Variants in RBFOX1 observed in about 807,000 individuals in gnomAD.
The protein encoded by RBFOX1 is RNA binding protein fox-1 homolog 1.
A neutral mutation model predicts 57.7 loss-of-function variants in RBFOX1; 8 were observed. The ratio of observed to expected loss-of-function variants is 0.14; its 90% confidence interval spans 0.08 to 0.25. The LOEUF is 0.25. Among genes scored for constraint, RBFOX1 ranks in the 10% least tolerant of loss-of-function variants. The probability of loss-of-function intolerance (pLI) is 1.00; values close to 1 mark genes in which losing one functional copy is unlikely to be tolerated. For missense variants in RBFOX1, 611 were observed against 548.5 expected (o/e 1.11, Z -1.14); for synonymous variants, 326 against 222.4 (o/e 1.47, Z -4.15).
chr16:5,435,495 GATCTCCCTCT>G (rs1211890973), intron 1 of RBFOX1, among the ~76,000 whole-genome samples: 1 of 152,148 alleles, frequency 6.6e-6, no homozygotes, highest in Admixed American at 6.5e-5. Context: ...ACGATCCCTG[GATCTCCCTCT>G]GTAAGATGGG....
At chr16:7,387,842 G>C (rs1409819853) in intron 4 of RBFOX1, among the ~76,000 whole-genome samples, 1 of 151,966 alleles carries the variant, frequency 6.6e-6, no homozygotes, top group East Asian at 1.9e-4. Flanking sequence ...AACGTCTCTG[G>C]AATTCTTTGA....
At chr16:7,174,392 A>C (rs183315962) in intron 4 of RBFOX1, among the ~76,000 whole-genome samples, 2 of 152,228 alleles carry the variant, frequency 1.3e-5, no homozygotes, top group East Asian at 3.9e-4. Context: ...CTTGTTTCCA[A>C]GTTCTTGGGT....
At chr16:6,303,169 G>A (rs562088123) in intron 1 of RBFOX1, among the ~76,000 whole-genome samples, 1 of 152,182 alleles carries the variant, frequency 6.6e-6, no homozygotes, top group African/African-American at 2.4e-5. Context: ...TTCTCAGGTT[G>A]AAATGAATTC....
intron 3 of RBFOX1, among the ~76,000 whole-genome samples, chr16:6,775,383 C>G (rs2079153000): frequency 1.3e-5 from 2 of 149,354 alleles, no homozygotes; most frequent in African/African-American, 4.9e-5. Flanking sequence ...CAGACACACC[C>G]AACTGTTAAG....
At chr16:7,419,840 C>T (rs2098522654) in intron 4 of RBFOX1, among the ~76,000 whole-genome samples, 1 of 151,362 alleles carries the variant, frequency 6.6e-6, no homozygotes, top group African/African-American at 2.4e-5. Context: ...GAGGCATGTC[C>T]TTTTTTTTCT....
chr16:6,457,878 T>G (rs1053759186), intron 2 of RBFOX1, among the ~76,000 whole-genome samples: 1 of 152,172 alleles, frequency 6.6e-6, no homozygotes, highest in Non-Finnish European at 1.5e-5. Context: ...TCCCCTGCAA[T>G]TCAGTTTACA....
At chr16:6,292,307 C>T (rs1294823090) in intron 1 of RBFOX1, among the ~76,000 whole-genome samples, 1 of 150,190 alleles carries the variant, frequency 6.7e-6, no homozygotes, top group East Asian at 1.9e-4. Context: ...TAAAGTCCCA[C>T]ATCCAACTGT....
chr16:6,562,880 C>CT lies in RBFOX1; in HGVS notation c.-63-91705dup, dbSNP rs71145250. ...TCTTTCTTTCTTTCTTTCTTTCTTTCTTTTTTTTTTTTTTTTTTGCATAGT... is the reference window on the plus strand; with the variant it reads ...TCTTTCTTTCTTTCTTTCTTTCTTTCTTTTTTTTTTTTTTTTTTTGCATAGT... On this transcript the variant is annotated intron_variant, in intron 2 of 15. Transcript: ENST00000550418. 1.1e-3 allele frequency among the ~76,000 whole-genome samples: 56 copies of CT among 51,786 alleles called. 3 individuals carry two copies. Among genetic ancestry groups the CT allele is most frequent in the South Asian group, 2.7e-3 (2 of 752 alleles). The allele number at this position is 51,786 out of a possible 152,430, so 34.0% of individuals were successfully genotyped here. A position where few individuals can be genotyped will look rare whatever the true frequency, so the allele number is the denominator to read the frequency against.
At chr16:5,426,945 C>T (rs945601319) in intron 1 of RBFOX1, among the ~76,000 whole-genome samples, 2 of 152,188 alleles carry the variant, frequency 1.3e-5, no homozygotes, top group African/African-American at 4.8e-5. Context: ...AGATAACTCC[C>T]TTGTAAGTGG....
At chr16:6,952,241 G>C (rs941685784) in intron 3 of RBFOX1, among the ~76,000 whole-genome samples, 1 of 152,160 alleles carries the variant, frequency 6.6e-6, no homozygotes, top group Non-Finnish European at 1.5e-5. Context: ...ACCTTTCCCT[G>C]CTACGTTTCT....
chr16:7,529,741 G>A (rs2079548404), intron 5 of RBFOX1, among the ~76,000 whole-genome samples: 1 of 152,140 alleles, frequency 6.6e-6, no homozygotes, highest in African/African-American at 2.4e-5. Flanking sequence ...GGGCATGGTA[G>A]CTCACGCATG....
chr16:6,518,260 A>G (rs12596207), intron 2 of RBFOX1, among the ~76,000 whole-genome samples: 1 of 151,952 alleles, frequency 6.6e-6, no homozygotes, highest in Non-Finnish European at 1.5e-5. Context: ...TTTAAGAAAC[A>G]AACATTAGTT....
intron 3 of RBFOX1, among the ~76,000 whole-genome samples, chr16:6,769,546 T>A (rs2154210579): frequency 6.6e-6 from 1 of 152,340 alleles, no homozygotes; most frequent in Non-Finnish European, 1.5e-5. Context: ...ATCAGGCTGT[T>A]TCCTGTTTTT....
chr16:6,921,453 T>G (rs889580358), intron 3 of RBFOX1, among the ~76,000 whole-genome samples: 7 of 152,232 alleles, frequency 4.6e-5, no homozygotes, highest in East Asian at 1.9e-4. Context: ...TGGTGGATTC[T>G]TGCTGACTGT....
At chr16:6,681,230 T>G (rs1415358152) in intron 3 of RBFOX1, among the ~76,000 whole-genome samples, 1 of 152,124 alleles carries the variant, frequency 6.6e-6, no homozygotes, top group Non-Finnish European at 1.5e-5. Context: ...GAGCATCACT[T>G]AAGCCTGGAA....
chr16:6,195,495 A>G (rs1366839548), intron 1 of RBFOX1, among the ~76,000 whole-genome samples: 3 of 152,178 alleles, frequency 2.0e-5, no homozygotes, highest in South Asian at 2.1e-4. Context: ...AGGCGGGCCA[A>G]TCACCTGAGG....
rs906938021 is a variant in RBFOX1 at position 5,632,301 on chromosome 16, A to G, written c.318+33340A>G. On this transcript the variant is annotated intron_variant, in intron 3 of 19. Transcript: ENST00000641259. ...GGGAGTTACACCTGCTGGGTTCCCA[A>G]CCCACATCAATCTCTGTGTCCCTTG... Among the ~76,000 whole-genome samples the G allele has an allele frequency of 7.2e-5, 11 of 152,240 alleles. No individual in the cohort carries two copies. The South Asian group carries it at 2.1e-3, about 29-fold the overall frequency.
intron 1 of RBFOX1, among the ~76,000 whole-genome samples, chr16:6,148,072 T>C (rs1359623259): frequency 6.6e-6 from 1 of 152,182 alleles, no homozygotes; most frequent in Non-Finnish European, 1.5e-5. Context: ...CTCAAGCCTG[T>C]AATCCCAGCA....
intron 2 of RBFOX1, among the ~76,000 whole-genome samples, chr16:6,500,428 C>A (rs997153089): frequency 6.6e-6 from 1 of 152,188 alleles, no homozygotes; most frequent in Non-Finnish European, 1.5e-5. Flanking sequence ...TGTTAAGTCA[C>A]ACAAAGCACA....
Sources: allele counts gnomAD v4.1 joint callset (sites outside exome capture counted in the v4.1 genomes callset), GRCh38; gene constraint gnomAD v4.1.1; transcripts MANE v1.5; gene names NCBI Gene and HGNC (gene_info 2026-07-23, HGNC 2026-07-21).